KCNMA1: variants seen among roughly 807,000 people sequenced by gnomAD.
KCNMA1 encodes Calcium-activated potassium channel subunit alpha-1.
Under a neutral mutation model 140.0 loss-of-function variants are expected in KCNMA1, and 29 were observed. The ratio of observed to expected loss-of-function variants is 0.21; its 90% CI spans 0.15 to 0.28. The LOEUF (loss-of-function observed/expected upper bound fraction) is 0.28. Among genes scored for constraint, KCNMA1 ranks in the 10% least tolerant of loss-of-function variants. KCNMA1 has a pLI of 1.00. For missense variants in KCNMA1, 880 were observed against 1,602.2 expected (o/e 0.55, Z 7.70); for synonymous variants, 612 against 611.9 (o/e 1.00, Z 0.00).
chr10:77,116,439 C>G (rs923314935), intron 6 of KCNMA1, among the ~76,000 whole-genome samples: 2 of 152,086 alleles, frequency 1.3e-5, no homozygotes, highest in Admixed American at 1.3e-4. Context: ...TCAGTTAACA[C>G]AGAAAATGCC....
intron 5 of KCNMA1, among the ~76,000 whole-genome samples, chr10:77,129,749 C>A (rs2097817279): frequency 6.6e-6 from 1 of 151,148 alleles, no homozygotes; most frequent in Admixed American, 6.6e-5. Flanking sequence ...ACAATGGCAA[C>A]AAGAAAACAA....
At chr10:77,291,069 C>T (rs187378770) in intron 2 of KCNMA1, among the ~76,000 whole-genome samples, 3 of 152,286 alleles carry the variant, frequency 2.0e-5, no homozygotes, top group East Asian at 3.9e-4. Flanking sequence ...ATATGCCCCA[C>T]GCTACACATG....
intron 1 of KCNMA1, among the ~76,000 whole-genome samples, chr10:77,565,691 G>C (rs1213386153): frequency 6.6e-6 from 1 of 152,244 alleles, no homozygotes; most frequent in African/African-American, 2.4e-5. Flanking sequence ...GTTGTAAGAA[G>C]GAAATGAGTT....
intron 1 of KCNMA1, among the ~76,000 whole-genome samples, chr10:77,531,119 C>T (rs917785367): frequency 1.3e-5 from 2 of 152,138 alleles, no homozygotes; most frequent in African/African-American, 4.8e-5. Context: ...TTCAAGGTGA[C>T]GCAGCCAGAA....
At chr10:77,303,488 C>T (rs1365985732) in intron 2 of KCNMA1, among the ~76,000 whole-genome samples, 1 of 152,118 alleles carries the variant, frequency 6.6e-6, no homozygotes, top group Non-Finnish European at 1.5e-5. Flanking sequence ...TTTTCTAATA[C>T]CCATTGAATA....
chr10:76,932,684 G>C lies in KCNMA1; in HGVS notation c.2902+12089C>G, dbSNP rs112600613. On this transcript the variant is annotated intron_variant, in intron 23 of 27. Transcript: ENST00000286628. ...TATGTCAAATTGCTCATGATGGACAGAACCAGGATTTAAAAGCTGTTCCTT... is the reference window on the plus strand; with the variant it reads ...TATGTCAAATTGCTCATGATGGACACAACCAGGATTTAAAAGCTGTTCCTT... 8.7e-3 allele frequency among the ~76,000 whole-genome samples: 1,328 copies of C among 152,284 alleles called. 18 individuals are homozygous for C. The highest frequency in any genetic ancestry group is 0.03 in the African/African-American group (1,258 of 41,558).
chr10:77,627,174 G>GA (rs1488231465), intron 1 of KCNMA1, among the ~76,000 whole-genome samples: 2 of 152,200 alleles, frequency 1.3e-5, no homozygotes, highest in African/African-American at 2.4e-5. Context: ...GATGCAAAAA[G>GA]AGGTTCAAGA....
chr10:77,472,837 G>A (rs953822866), intron 1 of KCNMA1, among the ~76,000 whole-genome samples: 1 of 152,220 alleles, frequency 6.6e-6, no homozygotes, highest in Admixed American at 6.5e-5. Context: ...AAGGAGGCAG[G>A]TGGAACCCAG....
At chr10:76,903,955 C>T (rs1991808) in intron 25 of KCNMA1, 78,192 of 151,978 alleles carry the variant, frequency 0.51, 22,108 homozygotes, top group Non-Finnish European at 0.64. Flanking sequence ...CAAATATTAT[C>T]TAAGATGTGT....
chr10:77,550,830 T>A (rs2062656280), intron 1 of KCNMA1, among the ~76,000 whole-genome samples: 1 of 152,156 alleles, frequency 6.6e-6, no homozygotes, highest in South Asian at 2.1e-4. Flanking sequence ...GCTATTTTTA[T>A]ACATTTCCCC....
intron 1 of KCNMA1, among the ~76,000 whole-genome samples, chr10:77,413,175 A>C (rs185944): frequency 0.23 from 35,487 of 152,090 alleles, 5,532 homozygotes; most frequent in Admixed American, 0.33. Context: ...TAGCTTTTTA[A>C]AAAATGCTTT....
chr10:77,067,495 C>T (rs1248754875), intron 14 of KCNMA1, among the ~76,000 whole-genome samples: 1 of 152,220 alleles, frequency 6.6e-6, no homozygotes, highest in South Asian at 2.1e-4. Flanking sequence ...CTCTCTCACG[C>T]ATGTGTGTGC....
chr10:77,561,183 T>G (rs1266703550), intron 1 of KCNMA1, among the ~76,000 whole-genome samples: 2 of 152,090 alleles, frequency 1.3e-5, no homozygotes, highest in Non-Finnish European at 2.9e-5. Flanking sequence ...CCCTGAAAAC[T>G]ATTTGTCAAG....
At chr10:77,310,141 G>A (rs187691088) in intron 2 of KCNMA1, among the ~76,000 whole-genome samples, 4 of 152,268 alleles carry the variant, frequency 2.6e-5, no homozygotes, top group South Asian at 4.1e-4. Flanking sequence ...TGTGCTTAGC[G>A]TCTTTGAAGG....
intron 22 of KCNMA1, among the ~76,000 whole-genome samples, chr10:76,947,540 G>A (rs2064498032): frequency 6.6e-6 from 1 of 152,180 alleles, no homozygotes; most frequent in Admixed American, 6.5e-5. Flanking sequence ...GGGACTATGT[G>A]GAGGAGCACA....
At chr10:77,215,356 ACAGATTG>A (rs980610725) in intron 3 of KCNMA1, among the ~76,000 whole-genome samples, 2 of 143,924 alleles carry the variant, frequency 1.4e-5, no homozygotes, top group African/African-American at 5.2e-5. Context: ...GAACATGATT[ACAGATTG>A]CACCTGTTTT....
Position 77,625,795 on chromosome 10 carries a change from T to C in KCNMA1, c.378+11470A>G, listed in dbSNP as rs73293885. 9.1e-3 allele frequency among the ~76,000 whole-genome samples: 1,379 copies of C among 152,340 alleles called. 13 individuals are homozygous for C. Among genetic ancestry groups the C allele is most frequent in the African/African-American group, 0.031 (1,295 of 41,580 alleles). The stretch of plus-strand genomic sequence containing the variant: ...TTCCACCTTTGGCCATTGTAAATAA[T>C]GCTGCTGTGAACATGGGTGTACAAA... On this transcript the variant is annotated intron_variant, in intron 1 of 27. Transcript: ENST00000286628.
intron 2 of KCNMA1, among the ~76,000 whole-genome samples, chr10:77,258,968 A>AT (rs200073855): frequency 0.018 from 2,815 of 152,210 alleles, 78 homozygotes; most frequent in African/African-American, 0.064. Context: ...GTCTCAAAAA[A>AT]ATATATATAT....
intron 3 of KCNMA1, among the ~76,000 whole-genome samples, chr10:77,227,132 A>G (rs926182365): frequency 6.6e-6 from 1 of 152,158 alleles, no homozygotes; most frequent in Non-Finnish European, 1.5e-5. Flanking sequence ...TGACATCAAC[A>G]CCCTGGAAAC....
Sources: allele counts gnomAD v4.1 joint callset (sites outside exome capture counted in the v4.1 genomes callset), GRCh38; gene constraint gnomAD v4.1.1; transcripts MANE v1.5; gene names NCBI Gene and HGNC (gene_info 2026-07-23, HGNC 2026-07-21).